KCNQ5: variants seen among roughly 807,000 people sequenced by gnomAD.
KCNQ5 encodes the protein potassium voltage-gated channel subfamily KQT member 5.
A neutral mutation model predicts 98.2 loss-of-function variants in KCNQ5; 30 were observed. That is an observed-to-expected ratio of 0.31 (90% confidence interval 0.23 to 0.41). KCNQ5 has a LOEUF of 0.41. Among genes scored for constraint, KCNQ5 ranks in the 10% least tolerant of loss-of-function variants. The pLI, the probability that KCNQ5 is intolerant of heterozygous loss-of-function variation, is 1.00. For synonymous variants in KCNQ5, 458 were observed against 449.4 expected (o/e 1.02, Z -0.24); for missense variants, 835 against 1,182.5 (o/e 0.71, Z 4.31).
At chr6:72,986,925 A>G in intron 1 of KCNQ5, 1 of 859,908 alleles carries the variant, frequency 1.2e-6, no homozygotes, top group Non-Finnish European at 1.9e-6. Context: ...GGTGAGGAAC[A>G]GGCAGCCTTG....
rs149909019 is a variant in KCNQ5, at chr6:72,625,135, C to T, written c.398+2548C>T. ...TTTACTTGGTCAACCAGTGTTTTCACTGCCAAGAAACAAGAAAAGCATGTT... is the reference window on the plus strand; with the variant it reads ...TTTACTTGGTCAACCAGTGTTTTCATTGCCAAGAAACAAGAAAAGCATGTT... On this transcript the variant is annotated intron_variant, in intron 1 of 13. Coordinates refer to ENST00000370398, the MANE Select transcript of KCNQ5 (RefSeq NM_019842.4). 3.9e-4 allele frequency among the ~76,000 whole-genome samples: 60 copies of T among 152,260 alleles called. 1 individual carries two copies. Among genetic ancestry groups the T allele is most frequent in the African/African-American group, 1.4e-3 (57 of 41,550 alleles).
intron 1 of KCNQ5, among the ~76,000 whole-genome samples, chr6:72,742,747 G>A (rs929977777): frequency 6.6e-6 from 1 of 152,188 alleles, no homozygotes; most frequent in Non-Finnish European, 1.5e-5. Flanking sequence ...GAAACAAGCA[G>A]CAGTGATATT....
chr6:72,724,650 T>C (rs1770166464), intron 1 of KCNQ5, among the ~76,000 whole-genome samples: 1 of 152,184 alleles, frequency 6.6e-6, no homozygotes. Flanking sequence ...CTATAAAACA[T>C]GTGCTCTCTT....
At chr6:72,819,819 C>T (rs1341959325) in intron 1 of KCNQ5, among the ~76,000 whole-genome samples, 1 of 152,178 alleles carries the variant, frequency 6.6e-6, no homozygotes, top group East Asian at 1.9e-4. Flanking sequence ...CCGAAGGTAA[C>T]CTAAGCTTCC....
intron 1 of KCNQ5, among the ~76,000 whole-genome samples, chr6:72,696,201 A>T (rs1231383958): frequency 1.3e-5 from 2 of 152,186 alleles, no homozygotes; most frequent in African/African-American, 4.8e-5. Context: ...AATCATGAAA[A>T]CCTGGAAGTA....
chr6:73,185,399 C>G (rs1381011097), intron 11 of KCNQ5, among the ~76,000 whole-genome samples: 1 of 152,130 alleles, frequency 6.6e-6, no homozygotes, highest in Non-Finnish European at 1.5e-5. Context: ...CCAGGCTGGT[C>G]TCAAACTCCT....
At chr6:72,885,048 T>C (rs190578358) in intron 1 of KCNQ5, among the ~76,000 whole-genome samples, 129 of 152,336 alleles carry the variant, frequency 8.5e-4, no homozygotes, top group African/African-American at 2.8e-3. Context: ...ATATTAATAA[T>C]GGCAAATTCA....
At chr6:72,747,683 A>G (rs1006199422) in intron 1 of KCNQ5, among the ~76,000 whole-genome samples, 1 of 152,180 alleles carries the variant, frequency 6.6e-6, no homozygotes, top group Non-Finnish European at 1.5e-5. Context: ...CCTGTCCTCA[A>G]TGATATTCAG....
intron 1 of KCNQ5, among the ~76,000 whole-genome samples, chr6:72,658,579 T>TATATATATATATATATA (rs34408725): frequency 2.9e-5 from 2 of 69,638 alleles, no homozygotes; most frequent in African/African-American, 1.3e-4. Context: ...TATATATATA[T>TATATATATATATATATA]TTTTTTTTTT....
chr6:72,681,517 C>T (rs950966949), intron 1 of KCNQ5, among the ~76,000 whole-genome samples: 5 of 152,194 alleles, frequency 3.3e-5, no homozygotes, highest in African/African-American at 1.2e-4. Context: ...CAAAGTCTCT[C>T]TCTTTGAACT....
chr6:73,109,853 C>T (rs1299463030), intron 6 of KCNQ5, among the ~76,000 whole-genome samples: 1 of 152,164 alleles, frequency 6.6e-6, no homozygotes, highest in East Asian at 1.9e-4. Flanking sequence ...TAGATCATTG[C>T]TCACGAATAG....
In KCNQ5 at chr6:73,169,762, C is replaced by A; in HGVS notation, c.1485C>A (p.Gly495=). The change falls in exon 11 of 14, where the codon GGC becomes GGA. Residue 495 remains glycine (G), a synonymous_variant. Coordinates refer to ENST00000370398, the MANE Select transcript of KCNQ5 (RefSeq NM_019842.4). ...CTCTTGCAGCTGACACAGCCCTTGG[C>A]ACTGATGATGTATATGATGAAAAAG... ...KPVIDADTAL[G]TDDVYDEKGC... 1 of 1,612,632 alleles carries A rather than the reference C, an allele frequency of 6.2e-7. No individual in the cohort carries two copies. The highest frequency in any genetic ancestry group is 8.5e-7 in the Non-Finnish European group (1 of 1,178,702).
At chr6:73,055,196 G>A (rs773685144) in intron 3 of KCNQ5, 94 of 967,148 alleles carry the variant, frequency 9.7e-5, no homozygotes, top group Non-Finnish European at 1.5e-4. Flanking sequence ...GAGCCCAGCG[G>A]GCCATGAGGC....
chr6:73,034,514 G>T (rs1304548175), intron 2 of KCNQ5, among the ~76,000 whole-genome samples: 2 of 152,158 alleles, frequency 1.3e-5, no homozygotes, highest in African/African-American at 2.4e-5. Flanking sequence ...ATTAGACAAA[G>T]GTCACTGTGT....
rs181501127 is a variant in KCNQ5, at chr6:72,700,995, T to C, written c.398+78408T>C. Among the ~76,000 whole-genome samples the C allele has an allele frequency of 8.6e-4, 131 of 152,336 alleles. 1 individual carries two copies. The highest frequency in any genetic ancestry group is 7.3e-5 in the Non-Finnish European group (5 of 68,032). ...TTCACTCTTCTGACATGCGACTACA[T>C]TGCTGTTTACTAAGTTCATTGTAGA... On this transcript the variant is annotated intron_variant, in intron 1 of 13. Coordinates refer to ENST00000370398, the MANE Select transcript of KCNQ5 (RefSeq NM_019842.4).
intron 1 of KCNQ5, among the ~76,000 whole-genome samples, chr6:72,893,593 C>A (rs1779140603): frequency 6.6e-6 from 1 of 152,186 alleles, no homozygotes; most frequent in African/African-American, 2.4e-5. Context: ...CCTTGGTAAA[C>A]ACTGACTTGG....
chr6:72,799,614 A>T (rs1298145532), intron 1 of KCNQ5, among the ~76,000 whole-genome samples: 2 of 152,362 alleles, frequency 1.3e-5, no homozygotes, highest in Non-Finnish European at 2.9e-5. Context: ...TCTACAGTCC[A>T]GTCTAGTAAC....
chr6:72,826,393 A>C (rs541379479), intron 1 of KCNQ5, among the ~76,000 whole-genome samples: 4 of 152,186 alleles, frequency 2.6e-5, no homozygotes, highest in African/African-American at 9.6e-5. Context: ...TCAGTCTTTC[A>C]CATCAAAAGC....
chr6:73,105,380 G>C lies in KCNQ5; in HGVS notation c.1029+13G>C. On this transcript the variant is annotated intron_variant, in intron 6 of 13. Transcript: ENST00000370398. The stretch of plus-strand genomic sequence containing the variant: ...TGCACTTCCTGCCGTGAGTATCTTT[G>C]CACCAATAAAGCAGTTTAAATTAGA... 6.5e-7 allele frequency: 1 copy of C among 1,546,050 alleles called. No individual in the cohort carries two copies. The highest frequency in any genetic ancestry group is 8.9e-7 in the Non-Finnish European group (1 of 1,123,656).
Sources: allele counts gnomAD v4.1 joint callset (sites outside exome capture counted in the v4.1 genomes callset), GRCh38; gene constraint gnomAD v4.1.1; transcripts MANE v1.5; gene names NCBI Gene and HGNC (gene_info 2026-07-23, HGNC 2026-07-21).